ANO10: variants seen among roughly 807,000 people sequenced by gnomAD.
The protein encoded by ANO10 is anoctamin 10.
ANO10 carries 77 observed loss-of-function variants against 74.7 expected under a neutral mutation model. The ratio of observed to expected loss-of-function variants is 1.03; its 90% CI spans 0.86 to 1.25. The LOEUF is 1.25. ANO10 is among the 50% of genes most tolerant of loss of function. The pLI, the probability that ANO10 is intolerant of heterozygous loss-of-function variation, is 0.00. For missense variants in ANO10, 721 were observed against 778.1 expected, an observed-to-expected ratio of 0.93 and a Z score of 0.87; for synonymous variants, 279 against 284.9, an observed-to-expected ratio of 0.98 and a Z score of 0.21.
At chr3:43,595,848 T>C (rs563873105) in intron 4 of ANO10, among the ~76,000 whole-genome samples, 2 of 152,312 alleles carry the variant, frequency 1.3e-5, no homozygotes, top group South Asian at 4.1e-4. Flanking sequence ...AACATGACTG[T>C]ATATTTAGAA....
chr3:43,616,654 ACG>A (rs2083123394), intron 1 of ANO10, among the ~76,000 whole-genome samples: 3 of 152,168 alleles, frequency 2.0e-5, no homozygotes, highest in Admixed American at 2.0e-4. Flanking sequence ...CTGCAGTGAC[ACG>A]GTCCACAGTA....
In ANO10 at chr3:43,531,219, A is replaced by G. The variant is rs980380042; in HGVS notation, c.1797+18501T>C. Among the ~76,000 whole-genome samples, 5 of 152,220 alleles carry G rather than the reference A, an allele frequency of 3.3e-5. No individual in the cohort carries two copies. In the East Asian group the frequency reaches 9.6e-4, roughly 29 times the overall value. On this transcript the variant is annotated intron_variant, in intron 11 of 12. Coordinates refer to ENST00000292246, the MANE Select transcript of ANO10 (RefSeq NM_018075.5). ...CAAAACAAAATGACAGATCTTCAAG[A>G]ACCAACCTACATTTTTAAGCAAATT...
chr3:43,532,753 T>G lies in ANO10; in HGVS notation c.1797+16967A>C, dbSNP rs187946824. Among the ~76,000 whole-genome samples the G allele has an allele frequency of 3.7e-4, 57 of 152,306 alleles. 1 individual carries two copies. The East Asian group carries it at 0.011, about 28-fold the overall frequency. On this transcript the variant is annotated intron_variant, in intron 11 of 12. Transcript: ENST00000292246. The stretch of plus-strand genomic sequence containing the variant: ...TTTTAATTCATATTATTTTAATGCT[T>G]TTTCCCATAAAAGAGTAATGCAAAA...
chr3:43,513,559 G>T (rs1354039821), intron 11 of ANO10, among the ~76,000 whole-genome samples: 1 of 152,072 alleles, frequency 6.6e-6, no homozygotes, highest in Non-Finnish European at 1.5e-5. Context: ...GCCCAGGCTG[G>T]AGTGCAGTGG....
chr3:43,484,082 C>A (rs2076372760), intron 11 of ANO10, among the ~76,000 whole-genome samples: 2 of 152,020 alleles, frequency 1.3e-5, no homozygotes, highest in Admixed American at 1.3e-4. Flanking sequence ...GCTGCAGGCA[C>A]ACACCACTAT....
intron 1 of ANO10, among the ~76,000 whole-genome samples, chr3:43,638,007 AT>A (rs2083631818): frequency 6.6e-6 from 1 of 152,206 alleles, no homozygotes; most frequent in African/African-American, 2.4e-5. Context: ...AAATGTGCAT[AT>A]TTATCTTCAA....
At chr3:43,670,324 T>TTAAATAAATAAATAAA (rs61670690) in intron 1 of ANO10, among the ~76,000 whole-genome samples, 10 of 145,910 alleles carry the variant, frequency 6.9e-5, no homozygotes, top group South Asian at 6.6e-4. Flanking sequence ...AGACCCTTTC[T>TTAAATAAATAAATAAA]TAAATAAATA....
intron 1 of ANO10, among the ~76,000 whole-genome samples, chr3:43,666,260 G>C (rs966137252): frequency 6.6e-6 from 1 of 151,934 alleles, no homozygotes; most frequent in Admixed American, 6.6e-5. Flanking sequence ...CTTGAATAAA[G>C]GCTAAATTAC....
At chr3:43,505,226 A>G (rs535200125) in intron 11 of ANO10, among the ~76,000 whole-genome samples, 29 of 152,196 alleles carry the variant, frequency 1.9e-4, no homozygotes, top group Non-Finnish European at 3.2e-4. Flanking sequence ...AAATAAATGT[A>G]ATTAAGTACA....
chr3:43,477,859 A>G (rs1257526414), intron 11 of ANO10, among the ~76,000 whole-genome samples: 1 of 152,196 alleles, frequency 6.6e-6, no homozygotes, highest in Non-Finnish European at 1.5e-5. Context: ...ACAATTGGAC[A>G]GACCTCTTTG....
chr3:43,462,582 C>T (rs891151487), intron 11 of ANO10, among the ~76,000 whole-genome samples: 6 of 152,124 alleles, frequency 3.9e-5, no homozygotes, highest in Admixed American at 3.9e-4. Flanking sequence ...GGAAAATTTG[C>T]AGCCTGACAA....
At chr3:43,551,759 CTTTT>C (rs879674325) in intron 10 of ANO10, among the ~76,000 whole-genome samples, 7 of 152,120 alleles carry the variant, frequency 4.6e-5, no homozygotes, top group African/African-American at 1.7e-4. Context: ...TTCCTTCTTT[CTTTT>C]GATTAATATT....
chr3:43,484,061 G>A (rs191995445), intron 11 of ANO10, among the ~76,000 whole-genome samples: 25 of 151,976 alleles, frequency 1.6e-4, no homozygotes, highest in African/African-American at 4.8e-4. Context: ...TCAGCCTCCC[G>A]AGTAGCTAGG....
At chr3:43,396,064 AT>A (rs2092372894) in intron 12 of ANO10, among the ~76,000 whole-genome samples, 2 of 150,080 alleles carry the variant, frequency 1.3e-5, no homozygotes, top group African/African-American at 4.9e-5. Context: ...CCTTTTATTA[AT>A]TTATTTATTT....
chr3:43,447,731 A>G (rs1379325304), intron 11 of ANO10, among the ~76,000 whole-genome samples: 1 of 152,208 alleles, frequency 6.6e-6, no homozygotes, highest in Admixed American at 6.5e-5. Context: ...AGTTTTGTAG[A>G]AAAACTACAC....
intron 12 of ANO10, among the ~76,000 whole-genome samples, chr3:43,417,955 T>C (rs574491330): frequency 1.3e-5 from 2 of 152,232 alleles, no homozygotes; most frequent in Non-Finnish European, 1.5e-5. Context: ...TTGTCTTGGA[T>C]GTTAAACTGG....
intron 11 of ANO10, among the ~76,000 whole-genome samples, chr3:43,536,153 T>C (rs1210777502): frequency 6.6e-6 from 1 of 152,230 alleles, no homozygotes; most frequent in Non-Finnish European, 1.5e-5. Flanking sequence ...AACACAAAAG[T>C]AAATGTAACA....
chr3:43,583,960 T>A (rs932538624), intron 4 of ANO10, among the ~76,000 whole-genome samples: 1 of 152,216 alleles, frequency 6.6e-6, no homozygotes, highest in African/African-American at 2.4e-5. Context: ...ACAGCTTTGA[T>A]CTAAATCAAG....
chr3:43,643,845 A>C (rs34637781), intron 1 of ANO10, among the ~76,000 whole-genome samples: 69 of 150,594 alleles, frequency 4.6e-4, no homozygotes, highest in Non-Finnish European at 8.4e-4. Context: ...CACCACGCCC[A>C]GCTAATTTTT....
Sources: gnomAD v4.1 joint callset for allele counts (sites outside exome capture counted in the v4.1 genomes callset) on GRCh38, gnomAD v4.1.1 for gene constraint, MANE v1.5 for transcripts, NCBI Gene and HGNC (gene_info 2026-07-23, HGNC 2026-07-21) for gene names.